Variants in MTOR observed in about 807,000 individuals in gnomAD.
MTOR encodes mechanistic target of rapamycin kinase.
Under a neutral mutation model 319.8 loss-of-function variants are expected in MTOR, and 70 were observed. The observed-to-expected ratio is 0.22, with a 90% CI of 0.18 to 0.27. The LOEUF (loss-of-function observed/expected upper bound fraction) is 0.27, where lower values mean the gene tolerates loss of function less well. Among genes scored for constraint, MTOR ranks in the 10% least tolerant of loss-of-function variants. The pLI is 1.00. For synonymous variants in MTOR, 1,183 were observed against 1,211.4 expected, an observed-to-expected ratio of 0.98 and a Z score of 0.49; for missense variants, 1,890 against 3,274.4, an observed-to-expected ratio of 0.58 and a Z score of 10.32.
At chr1:11,227,313 A>G (rs2100847858) in intron 19 of MTOR, among the ~76,000 whole-genome samples, 1 of 151,164 alleles carries the variant, frequency 6.6e-6, no homozygotes, top group South Asian at 2.1e-4. Context: ...AAAAAAAAAA[A>G]AAAAAAAAAA....
chr1:11,190,853 C>G (rs1645500651), intron 28 of MTOR, among the ~76,000 whole-genome samples: 1 of 152,190 alleles, frequency 6.6e-6, no homozygotes. Context: ...AGAACAAAGA[C>G]ATGATCAGCT....
intron 26 of MTOR, among the ~76,000 whole-genome samples, chr1:11,201,902 G>A (rs1419473302): frequency 2.6e-5 from 4 of 152,098 alleles, no homozygotes; most frequent in African/African-American, 9.7e-5. Context: ...TAAACTCCTG[G>A]ACTCAAGTAA....
At chr1:11,123,291 C>T (rs779430717) in intron 47 of MTOR, among the ~76,000 whole-genome samples, 8 of 152,012 alleles carry the variant, frequency 5.3e-5, no homozygotes, top group South Asian at 2.1e-4. Context: ...TAGGGTCTCG[C>T]TGTTACCTAG....
chr1:11,163,397 A>C (rs547399699), intron 29 of MTOR, among the ~76,000 whole-genome samples: 51 of 152,320 alleles, frequency 3.3e-4, no homozygotes, highest in African/African-American at 1.2e-3. Flanking sequence ...TAACAAGGAT[A>C]TCCAGGAATT....
At chr1:11,156,129 C>T (rs1166668244) in intron 30 of MTOR, among the ~76,000 whole-genome samples, 2 of 152,064 alleles carry the variant, frequency 1.3e-5, no homozygotes, top group African/African-American at 4.8e-5. Context: ...TAGCTGGGAT[C>T]ATAGGCCTGC....
In MTOR at chr1:11,228,853, C is replaced by G. The variant is rs2100856306; in HGVS notation, c.2845G>C (p.Ala949Pro). 1 of 1,614,166 alleles carries G rather than the reference C, an allele frequency of 6.2e-7. No homozygotes were observed. The highest frequency in any genetic ancestry group is 1.6e-4 in the Middle Eastern group (1 of 6,062). Residue 949 changes from alanine (A) to proline (P), a missense_variant, in exon 19 of 58, where the codon GCT (alanine) becomes CCT (proline). Ala to Pro is a conservative substitution (Grantham distance 27, BLOSUM62 -1). Transcript: ENST00000361445. ...GNLPLDEFYPAVSMVALMRIF... is the reference protein window; with the variant it reads ...GNLPLDEFYPPVSMVALMRIF... Reference sequence around the variant, plus strand: ...CGCATCAGGGCCACCATGGACACAGCTGGGTAGAACTCATCCAGAGGCAAG... The same window carrying G: ...CGCATCAGGGCCACCATGGACACAGGTGGGTAGAACTCATCCAGAGGCAAG...
chr1:11,252,621 C>G (rs1649842932), intron 6 of MTOR, among the ~76,000 whole-genome samples: 1 of 152,204 alleles, frequency 6.6e-6, no homozygotes, highest in African/African-American at 2.4e-5. Context: ...CGGTGGGGAT[C>G]TGAAGCCAGA....
intron 28 of MTOR, among the ~76,000 whole-genome samples, chr1:11,177,945 A>G (rs1227460465): frequency 1.3e-5 from 2 of 151,968 alleles, no homozygotes; most frequent in African/African-American, 4.8e-5. Context: ...TATTTTATAC[A>G]TACTGGTGAT....
At chr1:11,208,618 G>A (rs554874574) in intron 25 of MTOR, among the ~76,000 whole-genome samples, 11 of 152,320 alleles carry the variant, frequency 7.2e-5, no homozygotes, top group African/African-American at 2.4e-4. Flanking sequence ...GAAAATACTC[G>A]ATGTGGTATA....
rs770769963 is a variant in MTOR at position 11,231,069 on chromosome 1, G to T, written c.2650-15C>A. 9 of 1,613,520 alleles carry T rather than the reference G, an allele frequency of 5.6e-6. No homozygotes were observed. In the African/African-American group the frequency reaches 1.1e-4, roughly 19 times the overall value. ...ACACGGATGGCCTGCGTGGGAAAGGGGAGGGAAAAAAGAAAACATTCATCA... is the reference window on the plus strand; with the variant it reads ...ACACGGATGGCCTGCGTGGGAAAGGTGAGGGAAAAAAGAAAACATTCATCA... On this transcript the variant is annotated splice_polypyrimidine_tract_variant and intron_variant, in intron 17 of 57. Coordinates refer to ENST00000361445, the MANE Select transcript of MTOR (RefSeq NM_004958.4).
rs767472139 is a variant in MTOR at position 11,243,131 on chromosome 1, T to C, written c.1395A>G (p.Pro465=). The change falls in exon 9 of 58, where the codon CCA becomes CCG. Residue 465 remains proline (P), a synonymous_variant. Transcript: ENST00000361445. ...GTGCTTACTTATGGGCGAAGTCCTT[T>C]GGGGGCAGGGCCGCTCGGATGATGT... ...VLDIIRAALP[P]KDFAHKRQKA... 3 of 1,614,140 alleles carry C rather than the reference T, an allele frequency of 1.9e-6. No individual in the cohort carries two copies. The highest frequency in any genetic ancestry group is 2.2e-5 in the South Asian group (2 of 91,078).
chr1:11,238,376 G>T, intron 12 of MTOR, 26 bp downstream of exon 12: 1 of 1,611,352 alleles, frequency 6.2e-7, no homozygotes, highest in Non-Finnish European at 8.5e-7. Flanking sequence ...AACTCCCCTA[G>T]ATTCCTTCTG....
chr1:11,237,295 A>G (rs1202598896), intron 13 of MTOR, among the ~76,000 whole-genome samples: 3 of 152,170 alleles, frequency 2.0e-5, no homozygotes, highest in Non-Finnish European at 4.4e-5. Flanking sequence ...ATGTCTCCAG[A>G]GCAATTCTAC....
At position 11,127,104 on chromosome 1, in the gene MTOR, C is replaced by T. The variant is rs2100402212; in HGVS notation, c.6257G>A (p.Arg2086Lys). ...GACATTCCCTGATTTCATGTACTTC[C>T]TGCACCACTCTTGGGCCTCCATTAA... ...RDLMEAQEWC[R>K]KYMKSGNVKD... The change falls in exon 45 of 58, where the codon AGG becomes AAG. Residue 2086 changes from arginine to lysine, a missense_variant. Around this residue, in one of 15 missense-constraint regions of MTOR, gnomAD observed 249 missense variants for 596.2 expected, o/e 0.42. Coordinates refer to ENST00000361445, the MANE Select transcript of MTOR (RefSeq NM_004958.4). The surrounding 1 kb of genome is among the most constrained non-coding windows in gnomAD (Gnocchi z 5.5). 6.2e-7 allele frequency: 1 copy of T among 1,614,176 alleles called. No individual in the cohort carries two copies. The highest frequency in any genetic ancestry group is 8.5e-7 in the Non-Finnish European group (1 of 1,180,036).
chr1:11,175,198 A>G (rs1228105573), intron 28 of MTOR, among the ~76,000 whole-genome samples: 1 of 152,230 alleles, frequency 6.6e-6, no homozygotes. Flanking sequence ...GAACAAACAG[A>G]AACTGCCTAT....
rs146393749 is a variant in MTOR, at chr1:11,247,705, T to C, written c.1145A>G (p.Asn382Ser). ...QVCQWVLKCR[N>S]SKNSLIQMTI... ...CATTTGGATCAGCGAGTTCTTGCTA[T>C]TCCTGCATTTCAGCACCCACTGGCA... is the stretch of plus-strand genomic sequence containing the variant. Residue 382 changes from asparagine to serine, a missense_variant, in exon 8 of 58, where the codon AAT (asparagine) becomes AGT (serine). By Grantham distance (46) the Asn-to-Ser change is conservative. Coordinates refer to ENST00000361445, the MANE Select transcript of MTOR (RefSeq NM_004958.4). The C allele has an allele frequency of 7.3e-4, 1,173 of 1,614,154 alleles. No individual in the cohort carries two copies. Among genetic ancestry groups the C allele is most frequent in the Non-Finnish European group, 9.3e-4 (1,101 of 1,180,030 alleles).
Position 11,157,307 on chromosome 1 carries a change from G to GA in MTOR, c.4330-17dup, listed in dbSNP as rs1324817356. 2 of 1,610,668 alleles carry GA rather than the reference G, an allele frequency of 1.2e-6. No individual in the cohort carries two copies. The highest frequency in any genetic ancestry group is 2.7e-5 in the African/African-American group (2 of 74,762). On this transcript the variant is annotated splice_polypyrimidine_tract_variant and intron_variant, in intron 29 of 57. Transcript: ENST00000361445. ...CCTGGATCTCCTGTTACATGGGAAA[G>GA]AAAGACTGCTGTGAGGTACACAGAA...
At chr1:11,141,037 C>CTTTCT (rs1643676225) in intron 34 of MTOR, among the ~76,000 whole-genome samples, 1 of 146,394 alleles carries the variant, frequency 6.8e-6, no homozygotes, top group African/African-American at 2.5e-5. Flanking sequence ...ATCTTAGATT[C>CTTTCT]TTTCTTCTTC....
chr1:11,208,685 CT>C (rs1240984654), intron 25 of MTOR, among the ~76,000 whole-genome samples: 7 of 152,210 alleles, frequency 4.6e-5, no homozygotes, highest in Non-Finnish European at 7.3e-5. Flanking sequence ...ACTAGAGATG[CT>C]TTGAAACTGC....
Sources: gnomAD v4.1 joint callset for allele counts (sites outside exome capture counted in the v4.1 genomes callset) on GRCh38, gnomAD v4.1.1 for gene constraint, gnomAD v4.1.1 regional missense constraint, Gnocchi (gnomAD v3.1) non-coding constraint, MANE v1.5 for transcripts, NCBI Gene and HGNC (gene_info 2026-07-23, HGNC 2026-07-21) for gene names.